Variants in L3MBTL4 observed in about 807,000 individuals in gnomAD.
L3MBTL4 encodes the protein L3MBTL histone methyl-lysine binding protein 4.
Under a neutral mutation model 84.5 loss-of-function variants are expected in L3MBTL4, and 70 were observed. The observed-to-expected ratio is 0.83, with a 90% CI of 0.68 to 1.01. The LOEUF (loss-of-function observed/expected upper bound fraction) is 1.01, where lower values mean the gene tolerates loss of function less well. Ranked by LOEUF, L3MBTL4 falls within the 50% of genes least tolerant of loss-of-function variation. The pLI is 0.00. For synonymous variants in L3MBTL4, 274 were observed against 259.8 expected (o/e 1.05, Z -0.52); for missense variants, 715 against 754.8 (o/e 0.95, Z 0.62).
At chr18:6,040,719 G>T (rs1204947494) in intron 16 of L3MBTL4, among the ~76,000 whole-genome samples, 2 of 152,080 alleles carry the variant, frequency 1.3e-5, no homozygotes, top group Non-Finnish European at 1.5e-5. Flanking sequence ...TTTATGAAAA[G>T]AACCTACATT....
At chr18:6,169,223 T>C (rs572445521) in intron 13 of L3MBTL4, among the ~76,000 whole-genome samples, 2 of 152,328 alleles carry the variant, frequency 1.3e-5, no homozygotes, top group Non-Finnish European at 2.9e-5. Flanking sequence ...ACTTTTACAC[T>C]GTTGGTGGGA....
At chr18:6,210,246 T>C (rs1173914237) in intron 12 of L3MBTL4, among the ~76,000 whole-genome samples, 2 of 152,224 alleles carry the variant, frequency 1.3e-5, no homozygotes, top group Non-Finnish European at 2.9e-5. Context: ...TGCTGCGCTC[T>C]GTCAAGAACT....
intron 13 of L3MBTL4, among the ~76,000 whole-genome samples, chr18:6,141,665 A>T (rs182782663): frequency 1.3e-5 from 2 of 152,044 alleles, no homozygotes; most frequent in East Asian, 1.9e-4. Context: ...CAATTTTTCA[A>T]ATATTTCTTT....
chr18:6,042,580 A>G (rs1461471233), intron 16 of L3MBTL4, among the ~76,000 whole-genome samples: 1 of 152,178 alleles, frequency 6.6e-6, no homozygotes, highest in Non-Finnish European at 1.5e-5. Flanking sequence ...TCCGTCCTAC[A>G]TGAGCCCTCA....
rs1329205408 is a variant in L3MBTL4 at position 6,414,159 on chromosome 18, A to T, written c.-91+642T>A. 1 of 152,300 alleles carries T rather than the reference A, an allele frequency of 6.6e-6. No individual in the cohort carries two copies. 9.4% of individuals were successfully genotyped at this position (152,300 alleles called of 1,614,324 possible). ...GCAGGAGCCTGAGAGCCGCCGTCCCAGGCTGGCCAGGCGCCCGCCCGCCCT... is the reference window on the plus strand; with the variant it reads ...GCAGGAGCCTGAGAGCCGCCGTCCCTGGCTGGCCAGGCGCCCGCCCGCCCT... On this transcript the variant is annotated intron_variant, in intron 1 of 18. Coordinates refer to ENST00000317931, the MANE Select transcript of L3MBTL4 (RefSeq NM_001330559.2). The surrounding 1 kb of genome is among the most constrained non-coding windows in gnomAD (Gnocchi z 5.4).
Position 6,108,728 on chromosome 18 carries a change from G to A in L3MBTL4, c.1200-15200C>T, listed in dbSNP as rs151115327. On this transcript the variant is annotated intron_variant, in intron 14 of 18. Coordinates refer to ENST00000317931, the MANE Select transcript of L3MBTL4 (RefSeq NM_001330559.2). ...AGGGCCCCCTCTTTTGCTTTTTGGG[G>A]TACATGTGGCTCTCCACATCCTCAG... Among the ~76,000 whole-genome samples, 524 of 152,122 alleles carry A rather than the reference G, an allele frequency of 3.4e-3. 4 individuals are homozygous for A. Among genetic ancestry groups the A allele is most frequent in the African/African-American group, 0.012 (502 of 41,482 alleles).
chr18:6,267,472 T>C (rs2048684833), intron 4 of L3MBTL4, among the ~76,000 whole-genome samples: 2 of 152,228 alleles, frequency 1.3e-5, no homozygotes, highest in Non-Finnish European at 2.9e-5. Flanking sequence ...GAAAGCAATC[T>C]GACAAACCCT....
intron 16 of L3MBTL4, among the ~76,000 whole-genome samples, chr18:6,064,898 C>T (rs1012043042): frequency 3.9e-4 from 59 of 151,926 alleles, no homozygotes; most frequent in African/African-American, 6.0e-4. Context: ...TGAATAGAAG[C>T]GGTAAAAGTG....
chr18:6,071,633 T>C (rs1382116843), intron 16 of L3MBTL4, among the ~76,000 whole-genome samples: 1 of 61,196 alleles, frequency 1.6e-5, no homozygotes. Context: ...ATAGATCCCA[T>C]AAAAAAGAAA....
At chr18:6,165,436 G>A (rs2043597382) in intron 13 of L3MBTL4, among the ~76,000 whole-genome samples, 1 of 152,156 alleles carries the variant, frequency 6.6e-6, no homozygotes, top group Non-Finnish European at 1.5e-5. Context: ...AGAGAGAAAG[G>A]TCGGGTTACC....
intron 12 of L3MBTL4, among the ~76,000 whole-genome samples, chr18:6,185,795 A>C (rs1035441607): frequency 6.6e-6 from 1 of 152,096 alleles, no homozygotes; most frequent in African/African-American, 2.4e-5. Flanking sequence ...AAGGAGGGCA[A>C]TTTCAACAGG....
chr18:6,218,721 T>G (rs1291174298), intron 10 of L3MBTL4, among the ~76,000 whole-genome samples: 1 of 152,124 alleles, frequency 6.6e-6, no homozygotes, highest in Admixed American at 6.5e-5. Flanking sequence ...CCCTGTTCAA[T>G]GAACCCAAAG....
At chr18:6,015,118 G>T (rs558214827) in intron 16 of L3MBTL4, among the ~76,000 whole-genome samples, 1 of 152,200 alleles carries the variant, frequency 6.6e-6, no homozygotes, top group African/African-American at 2.4e-5. Context: ...TGAGTTAGGA[G>T]CTCAGGATAG....
intron 5 of L3MBTL4, chr18:6,260,148 T>C (rs993188029): frequency 1.3e-5 from 2 of 152,232 alleles, no homozygotes; most frequent in Non-Finnish European, 2.9e-5. Context: ...CATTGTTCTA[T>C]GTATGTGTTT....
At chr18:6,397,859 T>C (rs2055338790) in intron 1 of L3MBTL4, 1 of 145,632 alleles carries the variant, frequency 6.9e-6, no homozygotes, top group Non-Finnish European at 1.5e-5. Flanking sequence ...CTGTCTCAAA[T>C]AAAAATTTAA....
At chr18:6,016,973 A>G (rs1352594923) in intron 16 of L3MBTL4, among the ~76,000 whole-genome samples, 1 of 151,946 alleles carries the variant, frequency 6.6e-6, no homozygotes, top group Non-Finnish European at 1.5e-5. Context: ...CTCTCAGGGC[A>G]GAGCTGAGCA....
At chr18:6,204,351 G>A (rs1413689773) in intron 12 of L3MBTL4, among the ~76,000 whole-genome samples, 1 of 152,158 alleles carries the variant, frequency 6.6e-6, no homozygotes, top group Admixed American at 6.5e-5. Context: ...AAAAAGCTCT[G>A]TGGCTACTGC....
chr18:6,009,043 A>G (rs2054614598), intron 16 of L3MBTL4, among the ~76,000 whole-genome samples: 1 of 152,160 alleles, frequency 6.6e-6, no homozygotes, highest in African/African-American at 2.4e-5. Context: ...GTGGTGAGGA[A>G]CCACACAGAC....
chr18:6,215,542 G>A (rs1026349215), intron 11 of L3MBTL4, among the ~76,000 whole-genome samples: 2 of 152,080 alleles, frequency 1.3e-5, no homozygotes. Flanking sequence ...TTTCAAGGAA[G>A]GAAACCATCA....
Sources: gnomAD v4.1 joint callset for allele counts (sites outside exome capture counted in the v4.1 genomes callset) on GRCh38, gnomAD v4.1.1 for gene constraint, Gnocchi (gnomAD v3.1) non-coding constraint, MANE v1.5 for transcripts, NCBI Gene and HGNC (gene_info 2026-07-23, HGNC 2026-07-21) for gene names.